BSDC1: variants seen among roughly 807,000 people sequenced by gnomAD.
BSDC1 encodes BSD domain-containing protein 1.
In BSDC1, 29 loss-of-function variants were observed where a neutral mutation model predicts 56.0. The ratio of observed to expected loss-of-function variants is 0.52; its 90% CI spans 0.39 to 0.71. The LOEUF is 0.71. BSDC1 is among the 30% of genes least tolerant of loss of function. BSDC1 has a pLI of 0.00. For missense variants in BSDC1, 477 were observed against 548.5 expected (o/e 0.87, Z 1.30); for synonymous variants, 210 against 215.3 (o/e 0.98, Z 0.21).
intron 3 of BSDC1, among the ~76,000 whole-genome samples, chr1:32,384,505 G>A (rs1164519177): frequency 1.3e-5 from 2 of 152,180 alleles, no homozygotes; most frequent in Non-Finnish European, 2.9e-5. Flanking sequence ...AAAAGATAGG[G>A]TATGGACAAT....
At chr1:32,394,001 G>T in intron 2 of BSDC1, 79 bp downstream of exon 2, 2 of 1,448,926 alleles carry the variant, frequency 1.4e-6, no homozygotes, top group South Asian at 1.2e-5. Context: ...CGCAAAAGTT[G>T]GGCGGGGCTG....
chr1:32,389,929 T>C lies in BSDC1; in HGVS notation c.73-3034A>G, dbSNP rs564372091. Among the ~76,000 whole-genome samples the C allele has an allele frequency of 8.2e-5, 12 of 146,956 alleles. 1 individual carries two copies. Among genetic ancestry groups the C allele is most frequent in the Middle Eastern group, 3.4e-3 (1 of 290 alleles). The stretch of plus-strand genomic sequence containing the variant: ...TTGAGGCTGCAGTGGGCTGTGATCA[T>C]GCCACTGCACTCCAGTCTGGGTAAC... On this transcript the variant is annotated intron_variant, in intron 2 of 10. Transcript: ENST00000455895.
At chr1:32,367,083 T>TA (rs1398902492) in intron 10 of BSDC1, 2 of 989,630 alleles carry the variant, frequency 2.0e-6, no homozygotes, top group East Asian at 2.2e-4. Flanking sequence ...GCAAGTTACT[T>TA]AGTCTTTGGG....
intron 4 of BSDC1, among the ~76,000 whole-genome samples, 190 bp from the exon 5 acceptor site, chr1:32,381,458 G>A (rs1642475772): frequency 6.6e-6 from 1 of 152,106 alleles, no homozygotes; most frequent in Admixed American, 6.5e-5. Flanking sequence ...CCAAAACTGG[G>A]GTTCCCAGAA....
In BSDC1 at chr1:32,394,405, C is replaced by T. The variant is rs765951729; in HGVS notation, c.10G>A (p.Gly4Arg). 3 of 1,614,066 alleles carry T rather than the reference C, an allele frequency of 1.9e-6. No individual in the cohort carries two copies. The highest frequency in any genetic ancestry group is 2.5e-6 in the Non-Finnish European group (3 of 1,180,046). Residue 4 changes from glycine (G) to arginine (R), a missense_variant and splice_region_variant, in exon 1 of 11, where the codon GGG (glycine) becomes AGG (arginine). Transcript: ENST00000455895. Reference sequence around the variant, plus strand: ...CTAGGAGCAAAACGACAAGCTCACCCTTCCGCCATCTTGCCTGCATGACAT... The same window carrying T: ...CTAGGAGCAAAACGACAAGCTCACCTTTCCGCCATCTTGCCTGCATGACAT... MAE[G>R]EDVGWWRSWL...
intron 9 of BSDC1, among the ~76,000 whole-genome samples, chr1:32,371,201 C>G (rs1642067967): frequency 6.6e-6 from 1 of 151,542 alleles, no homozygotes; most frequent in Non-Finnish European, 1.5e-5. Context: ...AAGAGATGAG[C>G]AAGATATCCA....
rs1392046194 is a variant in BSDC1, at chr1:32,375,145, G to A, written c.1156+1117C>T. 6.0e-5 allele frequency among the ~76,000 whole-genome samples: 9 copies of A among 151,246 alleles called. No individual in the cohort carries two copies. The South Asian group carries it at 1.0e-3, about 18-fold the overall frequency. Reference sequence around the variant, plus strand: ...CCAGCCTAGGCGACAGTGAGACTCCGCCTCAAAAAAAAAACAATAAAAACC... The same window carrying A: ...CCAGCCTAGGCGACAGTGAGACTCCACCTCAAAAAAAAAACAATAAAAACC... On this transcript the variant is annotated intron_variant, in intron 9 of 10. Transcript: ENST00000455895.
At chr1:32,369,258 G>A (rs1194380541) in intron 9 of BSDC1, 2 of 1,289,484 alleles carry the variant, frequency 1.6e-6, no homozygotes, top group Non-Finnish European at 1.0e-6. Flanking sequence ...CTAAAGAGCG[G>A]AGAAGCACTT....
intron 10 of BSDC1, 136 bp from the exon 11 acceptor site, chr1:32,366,790 G>A (rs760159872): frequency 7.0e-7 from 1 of 1,419,628 alleles, no homozygotes; most frequent in Non-Finnish European, 9.2e-7. Context: ...CCCACTGAGA[G>A]TGAACCCCTA....
chr1:32,370,140 G>A (rs1469926822), intron 9 of BSDC1, among the ~76,000 whole-genome samples: 1 of 152,182 alleles, frequency 6.6e-6, no homozygotes, highest in African/African-American at 2.4e-5. Context: ...ACCATGCCTG[G>A]ATAATTTTTG....
In BSDC1 at chr1:32,377,844, C is replaced by CA. The variant is rs1469476227; in HGVS notation, c.676+125dup. On this transcript the variant is annotated intron_variant, in intron 8 of 10. Transcript: ENST00000455895. ...TTAGCTCCGCCTATCCTCACACATACAATGTGCTTGTTCCCTACTCTTCCC... is the reference window on the plus strand; with the variant it reads ...TTAGCTCCGCCTATCCTCACACATACAAATGTGCTTGTTCCCTACTCTTCCC... The CA allele has an allele frequency of 3.6e-6, 3 of 827,746 alleles. No homozygotes were observed. The African/African-American group carries it at 5.1e-5, about 14-fold the overall frequency. 51.3% of individuals were successfully genotyped at this position (827,746 alleles called of 1,614,324 possible).
intron 2 of BSDC1, among the ~76,000 whole-genome samples, chr1:32,387,556 G>A (rs1642717572): frequency 6.6e-6 from 1 of 152,138 alleles, no homozygotes; most frequent in South Asian, 2.1e-4. Context: ...GGTCAGGCTG[G>A]TCTCGAACTC....
Position 32,378,668 on chromosome 1 carries a change from A to C in BSDC1, c.528+56T>G. Reference sequence around the variant, plus strand: ...CAGTGACTCTGAACATGTCCCTCCCACCTCCCAACACCTCAAGCCTGGAGC... The same window carrying C: ...CAGTGACTCTGAACATGTCCCTCCCCCCTCCCAACACCTCAAGCCTGGAGC... On this transcript the variant is annotated intron_variant, in intron 6 of 10. Transcript: ENST00000455895. This position sits in a 1 kb window ranked among gnomAD's most constrained non-coding sequence, Gnocchi z 5.2. The C allele has an allele frequency of 8.2e-7, 1 of 1,214,340 alleles. No homozygotes were observed. Among genetic ancestry groups the C allele is most frequent in the East Asian group, 2.7e-5 (1 of 37,298 alleles). The allele number at this position is 1,214,340 out of a possible 1,614,324, so 75.2% of individuals were successfully genotyped here.
At chr1:32,385,662 G>A (rs1050301026) in intron 3 of BSDC1, among the ~76,000 whole-genome samples, 23 of 152,136 alleles carry the variant, frequency 1.5e-4, no homozygotes, top group African/African-American at 5.3e-4. Context: ...AGGAGGCAAA[G>A]GTTGCAATGA....
At chr1:32,384,193 C>A (rs1642588491) in intron 3 of BSDC1, 196 bp from the exon 4 acceptor site, 3 of 674,372 alleles carry the variant, frequency 4.4e-6, no homozygotes, top group Non-Finnish European at 7.6e-6. Context: ...GGCTGCAGAA[C>A]AGGGCCATGG....
At chr1:32,382,913 A>G (rs947207760) in intron 4 of BSDC1, among the ~76,000 whole-genome samples, 2 of 151,726 alleles carry the variant, frequency 1.3e-5, no homozygotes, top group Admixed American at 1.3e-4. Flanking sequence ...AAATGCAGCA[A>G]AAATACGCTA....
Position 32,378,401 on chromosome 1 carries a change from C to T in BSDC1, c.529-118G>A, listed in dbSNP as rs1039799690. ...ATTTCAGACCCAGTAAGTGGCTTAG[C>T]AGTGACAGTCAGAGCACTTCCACCC... On this transcript the variant is annotated intron_variant, in intron 6 of 10. Transcript: ENST00000455895. The surrounding 1 kb of genome is among the most constrained non-coding windows in gnomAD (Gnocchi z 5.2). 2 of 968,122 alleles carry T rather than the reference C, an allele frequency of 2.1e-6. No homozygotes were observed. The highest frequency in any genetic ancestry group is 1.6e-5 in the African/African-American group (1 of 62,190). The allele number at this position is 968,122 out of a possible 1,614,324, so 60.0% of individuals were successfully genotyped here.
intron 9 of BSDC1, 28 bp from the exon 10 acceptor site, chr1:32,368,578 G>A (rs998339345): frequency 5.0e-6 from 8 of 1,613,354 alleles, no homozygotes; most frequent in Middle Eastern, 1.7e-4. Flanking sequence ...AGTGTGAAAA[G>A]CAGGAGGAGG....
At chr1:32,388,482 C>A (rs1279424546) in intron 2 of BSDC1, among the ~76,000 whole-genome samples, 1 of 152,200 alleles carries the variant, frequency 6.6e-6, no homozygotes, top group East Asian at 1.9e-4. Context: ...ATTCTTTCAC[C>A]TGGATTCCTC....
Sources: allele counts gnomAD v4.1 joint callset (sites outside exome capture counted in the v4.1 genomes callset), GRCh38; gene constraint gnomAD v4.1.1; non-coding constraint Gnocchi (gnomAD v3.1); transcripts MANE v1.5; gene names NCBI Gene and HGNC (gene_info 2026-07-23, HGNC 2026-07-21).